The following NR2C2 variants were observed in gnomAD, a reference collection of about 807,000 sequenced individuals.
The protein encoded by NR2C2 is nuclear receptor subfamily 2 group C member 2.
NR2C2 carries 6 observed loss-of-function variants against 62.9 expected under a neutral mutation model. That is an observed-to-expected ratio of 0.10 (90% confidence interval 0.05 to 0.19). NR2C2 has a LOEUF of 0.19. Among genes scored for constraint, NR2C2 ranks in the 10% least tolerant of loss-of-function variants. NR2C2 has a pLI of 1.00. For missense variants in NR2C2, 479 were observed against 762.7 expected (o/e 0.63, Z 4.38); for synonymous variants, 272 against 273.8 (o/e 0.99, Z 0.07).
At chr3:15,029,842 T>G (rs60624872) in intron 8 of NR2C2, among the ~76,000 whole-genome samples, 7,938 of 112,466 alleles carry the variant, frequency 0.071, 636 homozygotes, top group African/African-American at 0.26. Flanking sequence ...GATAGATAGA[T>G]ATAGATAGAC....
chr3:15,000,868 G>T (rs1230723250), intron 1 of NR2C2, among the ~76,000 whole-genome samples: 1 of 137,678 alleles, frequency 7.3e-6, no homozygotes, highest in Non-Finnish European at 1.5e-5. Context: ...AGGCTGGAAT[G>T]CAGTGGCACA....
At chr3:14,983,336 AGAT>A (rs534714823) in intron 1 of NR2C2, among the ~76,000 whole-genome samples, 2 of 151,982 alleles carry the variant, frequency 1.3e-5, no homozygotes, top group South Asian at 4.1e-4. Flanking sequence ...TTATGATCTG[AGAT>A]GATCATATGA....
chr3:15,016,003 T>C, intron 3 of NR2C2, 149 bp from the exon 4 acceptor site: 1 of 585,378 alleles, frequency 1.7e-6, no homozygotes, highest in Non-Finnish European at 3.1e-6. Context: ...GGTTTCACCA[T>C]GTTAGTCAGG....
At chr3:15,006,801 A>G (rs2041184921) in intron 2 of NR2C2, among the ~76,000 whole-genome samples, 2 of 141,128 alleles carry the variant, frequency 1.4e-5, no homozygotes, top group South Asian at 2.2e-4. Flanking sequence ...TTTTAAAGGC[A>G]TTTCGCTCTT....
chr3:14,997,078 A>T (rs2040854782), intron 1 of NR2C2, among the ~76,000 whole-genome samples: 1 of 152,252 alleles, frequency 6.6e-6, no homozygotes, highest in Non-Finnish European at 1.5e-5. Context: ...CGGTTCTGTC[A>T]GTGCTTGAGT....
intron 4 of NR2C2, among the ~76,000 whole-genome samples, chr3:15,019,036 A>G (rs1335547352): frequency 6.7e-6 from 1 of 148,618 alleles, no homozygotes; most frequent in African/African-American, 2.4e-5. Context: ...AAAAAAAAAA[A>G]AAAGATTTTA....
At chr3:14,997,741 A>T (rs1241129087) in intron 1 of NR2C2, among the ~76,000 whole-genome samples, 1 of 152,206 alleles carries the variant, frequency 6.6e-6, no homozygotes, top group African/African-American at 2.4e-5. Context: ...AAGAAAAAAA[A>T]ATTTAATAGC....
At chr3:15,032,097 C>CA (rs1553572774) in intron 9 of NR2C2, among the ~76,000 whole-genome samples, 8 of 152,200 alleles carry the variant, frequency 5.3e-5, no homozygotes, top group Non-Finnish European at 5.9e-5. Flanking sequence ...GAACAAATAA[C>CA]AGTTTAGCTG....
intron 2 of NR2C2, 25 bp from the exon 3 acceptor site, chr3:15,013,564 G>A (rs1167320186): frequency 6.2e-7 from 1 of 1,609,034 alleles, no homozygotes; most frequent in Non-Finnish European, 8.5e-7. Context: ...CTCCATGAGA[G>A]CAGCCTCCAT....
At chr3:15,024,706 G>A (rs2041774133) in intron 7 of NR2C2, among the ~76,000 whole-genome samples, 1 of 152,184 alleles carries the variant, frequency 6.6e-6, no homozygotes, top group African/African-American at 2.4e-5. Context: ...GAGACTTGCT[G>A]GCTCCTGTGA....
intron 2 of NR2C2, among the ~76,000 whole-genome samples, chr3:15,008,987 G>T (rs527862680): frequency 6.6e-6 from 1 of 152,178 alleles, no homozygotes; most frequent in African/African-American, 2.4e-5. Flanking sequence ...TTGGGAGGCC[G>T]AGGTGGACGG....
chr3:15,030,519 T>A, intron 9 of NR2C2, 67 bp downstream of exon 9: 1 of 1,447,920 alleles, frequency 6.9e-7, no homozygotes, highest in South Asian at 1.5e-5. Context: ...CCAAAGCCGA[T>A]CTGCAGTTTT....
intron 1 of NR2C2, among the ~76,000 whole-genome samples, chr3:14,994,306 T>C (rs4615060): frequency 0.011 from 1,682 of 152,072 alleles, 34 homozygotes; most frequent in African/African-American, 0.037. Flanking sequence ...AAGAACAGAA[T>C]AGAAATTTCC....
At chr3:15,039,065 C>T (rs1200621422) in intron 12 of NR2C2, 57 bp from the exon 13 acceptor site, 16 of 1,290,274 alleles carry the variant, frequency 1.2e-5, no homozygotes, top group African/African-American at 5.9e-5. Context: ...AAGAAGTCTA[C>T]AAGTGAGACT....
chr3:15,025,466 AT>A (rs2041798173), intron 7 of NR2C2: 1 of 152,246 alleles, frequency 6.6e-6, no homozygotes, highest in Non-Finnish European at 1.5e-5. Flanking sequence ...TATTTCAGGA[AT>A]CAAGAGAAAG....
Position 14,963,852 on chromosome 3 carries a change from T to C in NR2C2, c.-40+15946T>C, listed in dbSNP as rs1340642168. 2.0e-5 allele frequency among the ~76,000 whole-genome samples: 3 copies of C among 152,054 alleles called. No homozygotes were observed. In the East Asian group the frequency reaches 5.8e-4, roughly 29 times the overall value. ...TGCCAGTTTAAACCGATAAAAATGG[T>C]GAGCAGATTTTTCAGATTTTTAGAT... On this transcript the variant is annotated intron_variant, in intron 1 of 13. Transcript: ENST00000425241.
intron 2 of NR2C2, among the ~76,000 whole-genome samples, chr3:15,010,422 A>G (rs2041319263): frequency 6.6e-6 from 1 of 152,066 alleles, no homozygotes; most frequent in South Asian, 2.1e-4. Flanking sequence ...TGAGAAAAAA[A>G]GAAAAGAATA....
intron 1 of NR2C2, among the ~76,000 whole-genome samples, chr3:14,959,941 TAG>T (rs2039644961): frequency 6.6e-6 from 1 of 152,230 alleles, no homozygotes; most frequent in Non-Finnish European, 1.5e-5. Context: ...TTTCCCCATA[TAG>T]ATAATCCATT....
chr3:14,983,175 G>A (rs996829863), intron 1 of NR2C2, among the ~76,000 whole-genome samples: 3 of 151,846 alleles, frequency 2.0e-5, no homozygotes, highest in East Asian at 1.9e-4. Context: ...CTGTAATTAC[G>A]CTGTAGTGCT....
Sources: allele counts gnomAD v4.1 joint callset (sites outside exome capture counted in the v4.1 genomes callset), GRCh38; gene constraint gnomAD v4.1.1; transcripts MANE v1.5; gene names NCBI Gene and HGNC (gene_info 2026-07-23, HGNC 2026-07-21).